The following LAMA2 variants were observed in gnomAD, a reference collection of about 807,000 sequenced individuals.
LAMA2 encodes laminin subunit alpha 2.
A neutral mutation model predicts 364.8 loss-of-function variants in LAMA2; 269 were observed. The observed-to-expected ratio is 0.74, with a 90% CI of 0.67 to 0.82. The LOEUF is 0.82. Ranked by LOEUF, LAMA2 falls within the 40% of genes least tolerant of loss-of-function variation. The pLI is 0.00. For synonymous variants in LAMA2, 1,379 were observed against 1,370.6 expected (o/e 1.01, Z -0.14); for missense variants, 3,807 against 3,873.2 (o/e 0.98, Z 0.45).
chr6:129,268,441 A>G (rs1401561777), intron 16 of LAMA2, among the ~76,000 whole-genome samples: 1 of 152,096 alleles, frequency 6.6e-6, no homozygotes, highest in Admixed American at 6.6e-5. Context: ...TTACCCTAAG[A>G]AGACAAAAAT....
intron 1 of LAMA2, among the ~76,000 whole-genome samples, chr6:129,026,098 CAT>C (rs558266760): frequency 1.3e-5 from 2 of 152,080 alleles, no homozygotes; most frequent in Non-Finnish European, 2.9e-5. Context: ...TCTCCCTAGA[CAT>C]AGACTATTTT....
chr6:129,297,606 G>C lies in LAMA2; in HGVS notation c.2857-79G>C, dbSNP rs1375967955. 7.4e-6 allele frequency: 10 copies of C among 1,345,418 alleles called. No homozygotes were observed. In the South Asian group the frequency reaches 1.2e-4, roughly 16 times the overall value. 83.3% of individuals were successfully genotyped at this position (1,345,418 alleles called of 1,614,324 possible). On this transcript the variant is annotated intron_variant, in intron 20 of 64. Coordinates refer to ENST00000421865, the MANE Select transcript of LAMA2 (RefSeq NM_000426.4). Reference sequence around the variant, plus strand: ...CTCCTAAGTTCCTCTGTTCCCACCTGATCTTTGGTATTGTGCATCTTGCTT... The same window carrying C: ...CTCCTAAGTTCCTCTGTTCCCACCTCATCTTTGGTATTGTGCATCTTGCTT...
intron 29 of LAMA2, among the ~76,000 whole-genome samples, chr6:129,331,516 A>G (rs1775651159): frequency 6.6e-6 from 1 of 152,042 alleles, no homozygotes; most frequent in Non-Finnish European, 1.5e-5. Flanking sequence ...CCCAATTATT[A>G]TGACTCTTTT....
intron 1 of LAMA2, among the ~76,000 whole-genome samples, chr6:129,009,776 C>T (rs1333944016): frequency 5.3e-5 from 8 of 152,106 alleles, no homozygotes; most frequent in African/African-American, 1.4e-4. Flanking sequence ...AGCTGTCTTC[C>T]GATTTCACCA....
intron 40 of LAMA2, among the ~76,000 whole-genome samples, chr6:129,407,195 C>A (rs545478159): frequency 1.3e-5 from 2 of 152,242 alleles, no homozygotes; most frequent in Admixed American, 6.5e-5. Context: ...TTTGGCAACA[C>A]CCTCACAGAG....
At chr6:129,256,612 G>A (rs771013347) in intron 14 of LAMA2, among the ~76,000 whole-genome samples, 1 of 151,786 alleles carries the variant, frequency 6.6e-6, no homozygotes, top group East Asian at 1.9e-4. Context: ...TAAGAAGGAA[G>A]CAATGAATTC....
At chr6:129,240,777 A>C (rs1785347266) in intron 12 of LAMA2, among the ~76,000 whole-genome samples, 1 of 152,240 alleles carries the variant, frequency 6.6e-6, no homozygotes, top group Non-Finnish European at 1.5e-5. Context: ...TATAACTTAT[A>C]AAGTATATAT....
chr6:129,460,123 A>G, intron 48 of LAMA2, 77 bp from the exon 49 acceptor site: 1 of 1,364,696 alleles, frequency 7.3e-7, no homozygotes, highest in South Asian at 1.2e-5. Flanking sequence ...GTTTCTGCTG[A>G]TAATAACTCT....
chr6:129,312,922 G>C lies in LAMA2; in HGVS notation c.3236G>C (p.Cys1079Ser). The C allele has an allele frequency of 1.2e-6, 2 of 1,614,202 alleles. No individual in the cohort carries two copies. Among genetic ancestry groups the C allele is most frequent in the Non-Finnish European group, 1.7e-6 (2 of 1,180,028 alleles). Residue 1079 changes from cysteine (C) to serine (S), a missense_variant, in exon 23 of 65, where the codon TGC becomes TCC. Coordinates refer to ENST00000421865, the MANE Select transcript of LAMA2 (RefSeq NM_000426.4). Reference protein sequence around the residue: ...DFQCNVNTGQCNCHPKFSGAK... With the variant: ...DFQCNVNTGQSNCHPKFSGAK... ...CAATGCAATGTAAATACAGGCCAATGCAACTGTCATCCAAAATTCTCTGGT... is the reference window on the plus strand; with the variant it reads ...CAATGCAATGTAAATACAGGCCAATCCAACTGTCATCCAAAATTCTCTGGT...
At chr6:129,024,910 AT>A (rs748973291) in intron 1 of LAMA2, among the ~76,000 whole-genome samples, 1 of 152,090 alleles carries the variant, frequency 6.6e-6, no homozygotes, top group Non-Finnish European at 1.5e-5. Flanking sequence ...GATTATGCCT[AT>A]GAATAGCCAC....
intron 16 of LAMA2, among the ~76,000 whole-genome samples, chr6:129,268,105 CT>C (rs1286231975): frequency 6.6e-6 from 1 of 152,032 alleles, no homozygotes; most frequent in African/African-American, 2.4e-5. Context: ...TACTTAAAAG[CT>C]TCTGGGAAAA....
In LAMA2 at chr6:129,369,958, C is replaced by G; in HGVS notation, c.4927C>G (p.Leu1643Val). Reference protein sequence around the residue: ...IQLAEGNLNTLVTEMNELLTR... With the variant: ...IQLAEGNLNTVVTEMNELLTR... ...GCTGGCAGAGGGCAATCTGAATACA[C>G]TCGTGACCGAAATGAACGAGCTGCT... The change falls in exon 34 of 65, where the codon CTC becomes GTC. Residue 1643 changes from leucine (L) to valine (V), a missense_variant. Coordinates refer to ENST00000421865, the MANE Select transcript of LAMA2 (RefSeq NM_000426.4). The G allele has an allele frequency of 1.2e-6, 2 of 1,614,076 alleles. No individual in the cohort carries two copies. Among genetic ancestry groups the G allele is most frequent in the Non-Finnish European group, 1.7e-6 (2 of 1,179,978 alleles).
chr6:129,298,378 C>G (rs963734636), intron 21 of LAMA2, among the ~76,000 whole-genome samples: 1 of 151,974 alleles, frequency 6.6e-6, no homozygotes, highest in African/African-American at 2.4e-5. Flanking sequence ...TAGGTTGGCT[C>G]TAGATATTTA....
chr6:129,481,353 A>G lies in LAMA2; in HGVS notation c.7663A>G (p.Ser2555Gly). Residue 2555 changes from serine to glycine, a missense_variant, in exon 55 of 65, where the codon AGC becomes GGC. Ser to Gly is a moderately conservative substitution (Grantham distance 56). Around this residue, in one of 3 missense-constraint regions of LAMA2, gnomAD observed 3,333 missense variants for 3,345.7 expected, o/e 1.00. Coordinates refer to ENST00000421865, the MANE Select transcript of LAMA2 (RefSeq NM_000426.4). ...DVGTEINLSFSTKNESGIILL... is the reference protein window; with the variant it reads ...DVGTEINLSFGTKNESGIILL... ...AGGAACAGAAATCAACCTGTCATTC[A>G]GCACCAAGAATGAGTCCGGCATCAT... 1 of 1,613,694 alleles carries G rather than the reference A, an allele frequency of 6.2e-7. No individual in the cohort carries two copies. Among genetic ancestry groups the G allele is most frequent in the Non-Finnish European group, 8.5e-7 (1 of 1,179,636 alleles).
At chr6:129,067,732 T>G (rs575628613) in intron 3 of LAMA2, among the ~76,000 whole-genome samples, 4 of 152,332 alleles carry the variant, frequency 2.6e-5, no homozygotes, top group Admixed American at 2.0e-4. Flanking sequence ...GCCCAGCTGG[T>G]CATCCCGCTA....
chr6:128,923,521 G>T (rs976109032), intron 1 of LAMA2, among the ~76,000 whole-genome samples: 6 of 151,992 alleles, frequency 3.9e-5, no homozygotes, highest in Non-Finnish European at 7.4e-5. Context: ...AGAAAACTAA[G>T]ATACCTAAAT....
chr6:129,179,292 G>A (rs1780792604), intron 10 of LAMA2, among the ~76,000 whole-genome samples: 1 of 151,666 alleles, frequency 6.6e-6, no homozygotes, highest in Non-Finnish European at 1.5e-5. Context: ...CTCAAATAAA[G>A]GACAGTCAAA....
chr6:129,154,733 A>T, intron 8 of LAMA2, 50 bp downstream of exon 8: 3 of 1,438,948 alleles, frequency 2.1e-6, no homozygotes, highest in Non-Finnish European at 2.9e-6. Context: ...GCTTTTTCAT[A>T]CAAAAATGTT....
intron 22 of LAMA2, among the ~76,000 whole-genome samples, chr6:129,309,902 A>ATTTTTTTTTTTTTTT (rs993652081): frequency 1.2e-4 from 16 of 135,744 alleles, no homozygotes; most frequent in Middle Eastern, 3.8e-3. Flanking sequence ...CCTGATAATC[A>ATTTTTTTTTTTTTTT]TTTTTTTTTT....
Sources: gnomAD v4.1 joint callset for allele counts (sites outside exome capture counted in the v4.1 genomes callset) on GRCh38, gnomAD v4.1.1 for gene constraint, gnomAD v4.1.1 regional missense constraint, MANE v1.5 for transcripts, NCBI Gene and HGNC (gene_info 2026-07-23, HGNC 2026-07-21) for gene names.